The following NFIB variants were observed in gnomAD, a reference collection of about 807,000 sequenced individuals.
NFIB encodes the protein nuclear factor I B.
A neutral mutation model predicts 61.5 loss-of-function variants in NFIB; 11 were observed. The observed-to-expected ratio is 0.18, with a 90% CI of 0.11 to 0.30. The LOEUF (loss-of-function observed/expected upper bound fraction) is 0.30, where lower values mean the gene tolerates loss of function less well. Among genes scored for constraint, NFIB ranks in the 10% least tolerant of loss-of-function variants. The pLI, the probability that NFIB is intolerant of heterozygous loss-of-function variation, is 1.00. For missense variants in NFIB, 471 were observed against 608.9 expected, an observed-to-expected ratio of 0.77 and a Z score of 2.38; for synonymous variants, 260 against 216.5, an observed-to-expected ratio of 1.20 and a Z score of -1.76.
the NFIB span, among the ~76,000 whole-genome samples, chr9:14,412,266 C>T: frequency 5.3e-5 from 8 of 152,338 alleles, no homozygotes; most frequent in East Asian, 7.7e-4. Flanking sequence ...GGCAATCACT[C>T]ATCCATGTGT....
At chr9:14,170,510 C>T (rs1378574324) in intron 3 of NFIB, among the ~76,000 whole-genome samples, 3 of 152,158 alleles carry the variant, frequency 2.0e-5, no homozygotes, top group Non-Finnish European at 4.4e-5. Flanking sequence ...GGCATGGTGG[C>T]ACATGCCTGT....
In NFIB at chr9:14,085,144, T is replaced by A; in HGVS notation, c.*3165A>T. The A allele has an allele frequency of 4.4e-6, 1 of 229,862 alleles. No homozygotes were observed. 14.2% of individuals were successfully genotyped at this position (229,862 alleles called of 1,614,324 possible). A position where few individuals can be genotyped will look rare whatever the true frequency, so the allele number is the denominator to read the frequency against. On this transcript the variant is annotated 3_prime_UTR_variant, in exon 11 of 11. Transcript: ENST00000380953. ...AACTTGCACTGCTAGGATCCCGCTG[T>A]GCTGTTCAGCATTTGGGCTATCAAA... is the stretch of plus-strand genomic sequence containing the variant.
chr9:14,499,374 G>T, the NFIB span, among the ~76,000 whole-genome samples: 2 of 152,204 alleles, frequency 1.3e-5, no homozygotes, highest in East Asian at 3.9e-4. Context: ...GGTCAGGACA[G>T]CTGTGCCCCC....
chr9:14,100,456 C>T (rs2035580250), intron 10 of NFIB, among the ~76,000 whole-genome samples: 1 of 152,188 alleles, frequency 6.6e-6, no homozygotes, highest in African/African-American at 2.4e-5. Flanking sequence ...CGCCTGTAAT[C>T]CCAGCACTTT....
chr9:14,417,352 T>C, the NFIB span, among the ~76,000 whole-genome samples: 2 of 152,232 alleles, frequency 1.3e-5, no homozygotes, highest in Admixed American at 1.3e-4. Context: ...CCACAGAGCC[T>C]AGGTGTATAG....
intron 8 of NFIB, among the ~76,000 whole-genome samples, chr9:14,119,248 CACTTAGCTGTCT>C (rs2038603089): frequency 1.3e-5 from 2 of 152,152 alleles, no homozygotes; most frequent in African/African-American, 4.8e-5. Context: ...ATCCCACTCT[CACTTAGCTGTCT>C]TTAGTACTTC....
chr9:14,416,767 T>C, the NFIB span, among the ~76,000 whole-genome samples: 1 of 152,000 alleles, frequency 6.6e-6, no homozygotes, highest in Non-Finnish European at 1.5e-5. Flanking sequence ...AAGCCTACAG[T>C]AGTGTACAGT....
chr9:14,350,591 C>A (rs1460838755), intron 1 of NFIB, among the ~76,000 whole-genome samples: 2 of 152,154 alleles, frequency 1.3e-5, no homozygotes, highest in Non-Finnish European at 2.9e-5. Flanking sequence ...GAATTGAAAA[C>A]ACGACCTCCT....
At chr9:14,213,126 T>C (rs758186445) in intron 2 of NFIB, among the ~76,000 whole-genome samples, 2 of 152,220 alleles carry the variant, frequency 1.3e-5, no homozygotes, top group East Asian at 1.9e-4. Context: ...ATATAGCATA[T>C]AATTACACCT....
intron 2 of NFIB, among the ~76,000 whole-genome samples, chr9:14,186,974 T>C (rs972958196): frequency 6.1e-5 from 9 of 147,352 alleles, no homozygotes; most frequent in Non-Finnish European, 8.8e-5. Flanking sequence ...AAATGGTTTC[T>C]CTCTCTCTCT....
intron 6 of NFIB, among the ~76,000 whole-genome samples, chr9:14,128,155 T>C (rs1351483227): frequency 3.9e-5 from 6 of 152,180 alleles, no homozygotes; most frequent in African/African-American, 7.2e-5. Flanking sequence ...TGTAAAATCA[T>C]AGACATACAG....
chr9:14,516,063 A>C, the NFIB span, among the ~76,000 whole-genome samples: 3 of 152,230 alleles, frequency 2.0e-5, no homozygotes, highest in African/African-American at 7.2e-5. Flanking sequence ...GCCCTCAGGA[A>C]GCCAGCGCTG....
chr9:14,452,314 T>C, the NFIB span, among the ~76,000 whole-genome samples: 1 of 146,792 alleles, frequency 6.8e-6, no homozygotes, highest in Non-Finnish European at 1.5e-5. Flanking sequence ...ATTTTTTACA[T>C]TAAAAAATAA....
the NFIB span, among the ~76,000 whole-genome samples, chr9:14,473,627 C>T: frequency 2.0e-5 from 3 of 152,202 alleles, no homozygotes; most frequent in South Asian, 4.1e-4. Context: ...GCTATACTGC[C>T]TCTCTCCAAG....
intron 4 of NFIB, among the ~76,000 whole-genome samples, chr9:14,154,067 T>C (rs2043134766): frequency 6.6e-6 from 1 of 152,196 alleles, no homozygotes; most frequent in Non-Finnish European, 1.5e-5. Context: ...ATGAAGTATA[T>C]TAAATTTACC....
intron 2 of NFIB, among the ~76,000 whole-genome samples, chr9:14,253,211 G>C (rs1037855208): frequency 2.6e-5 from 4 of 152,094 alleles, no homozygotes; most frequent in African/African-American, 9.7e-5. Context: ...TTTTGTCCTG[G>C]TCTTTTATTT....
chr9:14,504,885 A>G, the NFIB span, among the ~76,000 whole-genome samples: 5 of 152,180 alleles, frequency 3.3e-5, no homozygotes, highest in African/African-American at 1.2e-4. Flanking sequence ...AGAAGTGGTG[A>G]AAGTGGGCAT....
At chr9:14,477,459 A>G in the NFIB span, among the ~76,000 whole-genome samples, 1 of 152,144 alleles carries the variant, frequency 6.6e-6, no homozygotes, top group Non-Finnish European at 1.5e-5. Flanking sequence ...ATTGGCCTAA[A>G]AGGATTTTTT....
chr9:14,385,194 T>G (rs1482992813), intron 1 of NFIB, among the ~76,000 whole-genome samples: 1 of 152,160 alleles, frequency 6.6e-6, no homozygotes, highest in African/African-American at 2.4e-5. Context: ...GTGTCATTAT[T>G]TCACCCACTC....
Sources: gnomAD v4.1 joint callset for allele counts (sites outside exome capture counted in the v4.1 genomes callset) on GRCh38, gnomAD v4.1.1 for gene constraint, MANE v1.5 for transcripts, NCBI Gene and HGNC (gene_info 2026-07-23, HGNC 2026-07-21) for gene names.